The following CCDC192 variants were observed in gnomAD, a reference collection of about 807,000 sequenced individuals.
CCDC192 encodes coiled-coil domain containing 192.
intron 5 of CCDC192, among the ~76,000 whole-genome samples, chr5:127,863,811 T>C (rs752061404): frequency 6.6e-6 from 1 of 152,242 alleles, no homozygotes; most frequent in Non-Finnish European, 1.5e-5. Flanking sequence ...GATAAGGCAC[T>C]ATAAAACGGA....
intron 5 of CCDC192, among the ~76,000 whole-genome samples, chr5:127,821,298 C>A (rs1465669041): frequency 2.0e-5 from 3 of 152,218 alleles, no homozygotes; most frequent in African/African-American, 7.2e-5. Flanking sequence ...GAGCTGGCTT[C>A]AGGCTGCCAC....
intron 3 of CCDC192, among the ~76,000 whole-genome samples, chr5:127,768,623 A>G (rs1284362493): frequency 6.6e-6 from 1 of 152,194 alleles, no homozygotes; most frequent in African/African-American, 2.4e-5. Flanking sequence ...AGACAAATAC[A>G]AGAGATTATT....
At chr5:127,741,134 C>T (rs898584941) in intron 2 of CCDC192, among the ~76,000 whole-genome samples, 8 of 152,084 alleles carry the variant, frequency 5.3e-5, no homozygotes, top group Non-Finnish European at 8.8e-5. Context: ...AATCTCGGCT[C>T]ACTGCAGCCT....
At chr5:127,913,111 T>C (rs1330722501) in intron 6 of CCDC192, among the ~76,000 whole-genome samples, 1 of 152,212 alleles carries the variant, frequency 6.6e-6, no homozygotes, top group Non-Finnish European at 1.5e-5. Context: ...GTCAAGCAGA[T>C]ATGAACTTAA....
chr5:127,741,066 C>T (rs1008586370), intron 2 of CCDC192, among the ~76,000 whole-genome samples: 29 of 151,968 alleles, frequency 1.9e-4, no homozygotes, highest in South Asian at 1.0e-3. Flanking sequence ...TTGTTGTTGT[C>T]GTCATTGTTG....
At chr5:127,785,187 C>T (rs1223539292) in intron 3 of CCDC192, 1 of 528,374 alleles carries the variant, frequency 1.9e-6, no homozygotes, top group Non-Finnish European at 3.8e-6. Context: ...CTCCTTTAGA[C>T]AACTGATATA....
chr5:127,902,919 T>C (rs1753080913), intron 6 of CCDC192, among the ~76,000 whole-genome samples: 1 of 152,158 alleles, frequency 6.6e-6, no homozygotes, highest in African/African-American at 2.4e-5. Context: ...CAGTCAACAC[T>C]CATGTGGTTG....
intron 5 of CCDC192, among the ~76,000 whole-genome samples, chr5:127,867,126 T>A (rs1751645949): frequency 6.6e-6 from 1 of 152,214 alleles, no homozygotes; most frequent in African/African-American, 2.4e-5. Flanking sequence ...TTAATTAGGT[T>A]TTCCTTACTA....
chr5:127,844,802 T>C (rs573938068), intron 5 of CCDC192, among the ~76,000 whole-genome samples: 10 of 152,298 alleles, frequency 6.6e-5, no homozygotes, highest in Non-Finnish European at 1.3e-4. Flanking sequence ...GTGCCAGCAA[T>C]ATTCTGGCAG....
intron 2 of CCDC192, among the ~76,000 whole-genome samples, chr5:127,739,076 C>G (rs1753221752): frequency 6.6e-6 from 1 of 152,100 alleles, no homozygotes; most frequent in Non-Finnish European, 1.5e-5. Context: ...TACTTTTGAT[C>G]TTTGATGATG....
chr5:127,880,994 A>AATAAT (rs1199704854), intron 6 of CCDC192, among the ~76,000 whole-genome samples: 1 of 152,124 alleles, frequency 6.6e-6, no homozygotes, highest in Non-Finnish European at 1.5e-5. Context: ...AATAAAATAA[A>AATAAT]ATATAGATAC....
intron 6 of CCDC192, among the ~76,000 whole-genome samples, chr5:127,885,720 C>A (rs1321212333): frequency 6.6e-6 from 1 of 152,076 alleles, no homozygotes; most frequent in Non-Finnish European, 1.5e-5. Flanking sequence ...GCTGGACAAG[C>A]AGGAGACTTC....
chr5:127,788,672 G>C (rs767165848), intron 3 of CCDC192, among the ~76,000 whole-genome samples: 30 of 152,006 alleles, frequency 2.0e-4, no homozygotes, highest in Admixed American at 1.1e-3. Context: ...ATCTTTTGCA[G>C]TTATTTGCTC....
intron 5 of CCDC192, chr5:127,857,509 G>T (rs17164599): frequency 2.6e-5 from 4 of 152,152 alleles, no homozygotes; most frequent in Admixed American, 2.6e-4. Flanking sequence ...AAACCAGAGC[G>T]TATTAGGGTT....
chr5:127,850,845 A>G (rs1750763663), intron 5 of CCDC192, among the ~76,000 whole-genome samples: 1 of 152,200 alleles, frequency 6.6e-6, no homozygotes, highest in African/African-American at 2.4e-5. Context: ...AGGCGCCGGT[A>G]ATCCCAGCCA....
chr5:127,856,837 A>G (rs1373203511), intron 5 of CCDC192, among the ~76,000 whole-genome samples: 1 of 152,196 alleles, frequency 6.6e-6, no homozygotes, highest in Non-Finnish European at 1.5e-5. Context: ...ATATGGGTAC[A>G]GTTTGTGGTG....
chr5:127,746,367 T>C (rs552375616), intron 2 of CCDC192, among the ~76,000 whole-genome samples: 98 of 152,326 alleles, frequency 6.4e-4, no homozygotes, highest in African/African-American at 2.3e-3. Flanking sequence ...ATTTTGGGTG[T>C]TTGGAGAAGG....
chr5:127,714,832 TG>T (rs1351546939), intron 2 of CCDC192, among the ~76,000 whole-genome samples: 5 of 152,234 alleles, frequency 3.3e-5, no homozygotes, highest in Non-Finnish European at 7.3e-5. Flanking sequence ...CTAACTAGGG[TG>T]AGATGATATC....
At chr5:127,773,441 C>G (rs1755677009) in intron 3 of CCDC192, among the ~76,000 whole-genome samples, 1 of 152,162 alleles carries the variant, frequency 6.6e-6, no homozygotes, top group African/African-American at 2.4e-5. Flanking sequence ...CTCATATCCT[C>G]TTCCTCTCAT....
Sources: gnomAD v4.1 joint callset for allele counts (sites outside exome capture counted in the v4.1 genomes callset) on GRCh38, gnomAD v4.1.1 for gene constraint, MANE v1.5 for transcripts, NCBI Gene and HGNC (gene_info 2026-07-23, HGNC 2026-07-21) for gene names.